RIMS1: variants seen among roughly 807,000 people sequenced by gnomAD.
RIMS1 encodes regulating synaptic membrane exocytosis 1, also known as regulating synaptic membrane exocytosis protein 1.
Under a neutral mutation model 214.1 loss-of-function variants are expected in RIMS1, and 83 were observed. The observed-to-expected ratio is 0.39, with a 90% CI of 0.32 to 0.47. The LOEUF (loss-of-function observed/expected upper bound fraction) is 0.47. RIMS1 is among the 20% of genes least tolerant of loss of function. The pLI, the probability that RIMS1 is intolerant of heterozygous loss-of-function variation, is 0.99. For synonymous variants in RIMS1, 793 were observed against 786.8 expected (o/e 1.01, Z -0.13); for missense variants, 2,050 against 2,161.8 (o/e 0.95, Z 1.03).
intron 10 of RIMS1, among the ~76,000 whole-genome samples, chr6:72,243,950 G>GA (rs1002159867): frequency 6.7e-6 from 1 of 148,392 alleles, no homozygotes; most frequent in Admixed American, 6.7e-5. Context: ...TGGAATCCTA[G>GA]AAAAATAATT....
chr6:71,964,143 C>T (rs975037593), intron 1 of RIMS1, among the ~76,000 whole-genome samples: 2 of 152,076 alleles, frequency 1.3e-5, no homozygotes, highest in Non-Finnish European at 2.9e-5. Context: ...ATCAAAAACT[C>T]GACAATTGAG....
chr6:72,158,421 A>C (rs1489757779), intron 4 of RIMS1, among the ~76,000 whole-genome samples: 1 of 140,370 alleles, frequency 7.1e-6, no homozygotes, highest in Non-Finnish European at 1.6e-5. Flanking sequence ...TATTTTTTTT[A>C]ATCATACTCT....
chr6:72,058,886 C>T (rs1356454763), intron 2 of RIMS1, among the ~76,000 whole-genome samples: 7 of 152,122 alleles, frequency 4.6e-5, no homozygotes, highest in African/African-American at 1.7e-4. Context: ...CAGATGACCT[C>T]TTTATCTGTA....
intron 2 of RIMS1, among the ~76,000 whole-genome samples, chr6:72,024,565 G>C (rs2151960415): frequency 6.6e-6 from 1 of 152,218 alleles, no homozygotes. Context: ...AATATATTTA[G>C]TCAGCAATGG....
chr6:72,365,330 T>G (rs989381533), intron 29 of RIMS1, among the ~76,000 whole-genome samples: 2 of 152,222 alleles, frequency 1.3e-5, no homozygotes, highest in African/African-American at 2.4e-5. Context: ...GCATTCCACA[T>G]GGATATGGCA....
chr6:72,190,195 G>A (rs1283743902), intron 6 of RIMS1, among the ~76,000 whole-genome samples: 1 of 152,154 alleles, frequency 6.6e-6, no homozygotes, highest in Admixed American at 6.5e-5. Flanking sequence ...TGGGGAAGCT[G>A]GCTCATGCCT....
chr6:71,987,069 G>T (rs777272340), intron 2 of RIMS1, among the ~76,000 whole-genome samples: 3 of 152,182 alleles, frequency 2.0e-5, no homozygotes, highest in Admixed American at 1.3e-4. Flanking sequence ...TAGTCAAGGA[G>T]AAATATGCAG....
chr6:72,376,564 G>A (rs2098386195), intron 29 of RIMS1, among the ~76,000 whole-genome samples: 1 of 152,076 alleles, frequency 6.6e-6, no homozygotes, highest in South Asian at 2.1e-4. Flanking sequence ...TGGGCAACAT[G>A]ATGAAACCCT....
chr6:72,218,415 CT>C (rs2057161214), intron 6 of RIMS1, among the ~76,000 whole-genome samples: 1 of 152,172 alleles, frequency 6.6e-6, no homozygotes, highest in Admixed American at 6.5e-5. Flanking sequence ...AAGAGGTCTA[CT>C]TTGTGCTGAA....
intron 27 of RIMS1, among the ~76,000 whole-genome samples, chr6:72,310,896 A>G (rs966765585): frequency 3.9e-5 from 6 of 152,162 alleles, no homozygotes; most frequent in Non-Finnish European, 8.8e-5. Context: ...TTATCTCAAT[A>G]TAAAAAATGT....
At chr6:71,949,035 G>A (rs1788674332) in intron 1 of RIMS1, among the ~76,000 whole-genome samples, 1 of 152,164 alleles carries the variant, frequency 6.6e-6, no homozygotes, top group Admixed American at 6.5e-5. Context: ...ATATGTAAAG[G>A]CTGCCTTGTC....
chr6:72,183,228 T>G, intron 6 of RIMS1, 79 bp downstream of exon 6: 1 of 1,451,784 alleles, frequency 6.9e-7, no homozygotes, highest in Non-Finnish European at 9.4e-7. Context: ...CTAGGCTAGT[T>G]GCTGGGTTCA....
intron 6 of RIMS1, among the ~76,000 whole-genome samples, chr6:72,213,864 T>C (rs1341814748): frequency 6.6e-6 from 1 of 152,216 alleles, no homozygotes; most frequent in African/African-American, 2.4e-5. Context: ...GAAATCAGTT[T>C]TCTGGTCTTT....
At chr6:72,307,210 A>C in intron 26 of RIMS1, 48 bp from the exon 27 acceptor site, 1 of 1,226,248 alleles carries the variant, frequency 8.2e-7, no homozygotes, top group Non-Finnish European at 1.2e-6. Context: ...TCAGTTCCTG[A>C]AAGGTTCTTC....
At chr6:72,348,605 G>A (rs1021177126) in intron 29 of RIMS1, among the ~76,000 whole-genome samples, 9 of 151,790 alleles carry the variant, frequency 5.9e-5, no homozygotes, top group Non-Finnish European at 4.4e-5. Context: ...GATTCAGAGG[G>A]TACATTTGCA....
chr6:72,085,100 A>C (rs1184481213), intron 2 of RIMS1, among the ~76,000 whole-genome samples: 2 of 152,176 alleles, frequency 1.3e-5, no homozygotes, highest in Non-Finnish European at 2.9e-5. Context: ...GTTGTAAAGA[A>C]AAGTAATTTA....
At chr6:72,093,531 G>T (rs2029903831) in intron 2 of RIMS1, among the ~76,000 whole-genome samples, 2 of 151,368 alleles carry the variant, frequency 1.3e-5, no homozygotes, top group African/African-American at 2.4e-5. Flanking sequence ...CAAACATTCT[G>T]TGCCTTTATA....
At chr6:72,264,044 T>G (rs1036475617) in intron 19 of RIMS1, 3 of 822,406 alleles carry the variant, frequency 3.6e-6, no homozygotes, top group African/African-American at 1.9e-5. Flanking sequence ...TTAATTGAAG[T>G]TTTAAGGGAT....
intron 2 of RIMS1, among the ~76,000 whole-genome samples, chr6:72,093,782 C>T (rs1562295678): frequency 1.3e-5 from 2 of 151,694 alleles, no homozygotes; most frequent in Non-Finnish European, 2.9e-5. Context: ...CGTATTTTTT[C>T]CGCTACTGGT....
Sources: gnomAD v4.1 joint callset for allele counts (sites outside exome capture counted in the v4.1 genomes callset) on GRCh38, gnomAD v4.1.1 for gene constraint, MANE v1.5 for transcripts, NCBI Gene and HGNC (gene_info 2026-07-23, HGNC 2026-07-21) for gene names.